CALN1: variants seen among roughly 807,000 people sequenced by gnomAD.
The protein encoded by CALN1 is calneuron 1, also known as calcium-binding protein 8.
A neutral mutation model predicts 30.6 loss-of-function variants in CALN1; 17 were observed. That is an observed-to-expected ratio of 0.56 (90% CI 0.38 to 0.83). The LOEUF is 0.83. Among genes scored for constraint, CALN1 ranks in the 40% least tolerant of loss-of-function variants. The pLI is 0.00. For missense variants in CALN1, 291 were observed against 354.9 expected (o/e 0.82, Z 1.45); for synonymous variants, 156 against 131.4 (o/e 1.19, Z -1.28).
chr7:72,012,772 T>A (rs1022766976), intron 5 of CALN1, among the ~76,000 whole-genome samples: 1 of 152,120 alleles, frequency 6.6e-6, no homozygotes, highest in African/African-American at 2.4e-5. Context: ...GGCAGCTGCA[T>A]TAATTTTGAT....
At chr7:72,270,035 G>C (rs1268028017) in intron 3 of CALN1, among the ~76,000 whole-genome samples, 1 of 151,894 alleles carries the variant, frequency 6.6e-6, no homozygotes, top group Non-Finnish European at 1.5e-5. Flanking sequence ...AAAGAAATGG[G>C]AACTATAAAA....
At chr7:72,462,454 G>A in the CALN1 span, among the ~76,000 whole-genome samples, 1 of 152,184 alleles carries the variant, frequency 6.6e-6, no homozygotes, top group Admixed American at 6.5e-5. Flanking sequence ...CAAACTGCTA[G>A]AATCACAGGC....
the CALN1 span, among the ~76,000 whole-genome samples, chr7:72,467,838 A>T: frequency 1.3e-3 from 194 of 152,340 alleles, 1 homozygote; most frequent in African/African-American, 4.2e-3. Context: ...TTGCATCGCC[A>T]CAAAAGGAAA....
intron 4 of CALN1, among the ~76,000 whole-genome samples, chr7:72,045,996 C>CA (rs34011098): frequency 0.18 from 16,225 of 90,514 alleles, 1,833 homozygotes; most frequent in East Asian, 0.38. Context: ...GACTCCCTCT[C>CA]AAAAAAAAAA....
At chr7:72,455,321 ATGTG>A in the CALN1 span, among the ~76,000 whole-genome samples, 9,405 of 138,670 alleles carry the variant, frequency 0.068, 540 homozygotes, top group African/African-American at 0.17. Flanking sequence ...ATATATATAT[ATGTG>A]TGTGTGTGTG....
chr7:72,407,350 A>G (rs1290499252), intron 1 of CALN1, among the ~76,000 whole-genome samples: 1 of 152,140 alleles, frequency 6.6e-6, no homozygotes, highest in Non-Finnish European at 1.5e-5. Flanking sequence ...TACGGTTTGG[A>G]TTTGTGTCCC....
intron 2 of CALN1, among the ~76,000 whole-genome samples, chr7:72,369,725 T>C (rs1470584655): frequency 6.6e-6 from 1 of 152,198 alleles, no homozygotes; most frequent in Admixed American, 6.6e-5. Context: ...TTTATAGAAG[T>C]AGAACTGTCC....
In CALN1 at chr7:72,399,299, TCTCA is replaced by T. The variant is rs560960557; in HGVS notation, c.119+3948_119+3951del. Among the ~76,000 whole-genome samples the T allele has an allele frequency of 7.4e-3, 847 of 114,684 alleles. 11 individuals carry two copies. Among genetic ancestry groups the T allele is most frequent in the African/African-American group, 0.027 (752 of 28,124 alleles). 75.2% of individuals were successfully genotyped at this position (114,684 alleles called of 152,430 possible). ...TTTTTTTTTTTTTTTTGAGATGGAG[TCTCA>T]CTCTGTCACCAGGCTGGAGTGCAGT... On this transcript the variant is annotated intron_variant, in intron 2 of 6. Transcript: ENST00000395275.
At chr7:72,119,989 A>G (rs1188392218) in intron 3 of CALN1, among the ~76,000 whole-genome samples, 1 of 152,124 alleles carries the variant, frequency 6.6e-6, no homozygotes, top group Non-Finnish European at 1.5e-5. Context: ...CAGGGGGTAC[A>G]TGTGCACGTT....
At chr7:72,302,560 T>C (rs1478717794) in intron 2 of CALN1, among the ~76,000 whole-genome samples, 1 of 151,920 alleles carries the variant, frequency 6.6e-6, no homozygotes, top group Non-Finnish European at 1.5e-5. Context: ...GTGCAGGCAT[T>C]CCAGATTAGC....
chr7:72,414,525 G>T (rs1025779625), upstream of CALN1, among the ~76,000 whole-genome samples: 1 of 152,158 alleles, frequency 6.6e-6, no homozygotes. Flanking sequence ...CACTAGCATG[G>T]CAGCACAGAA....
intron 5 of CALN1, among the ~76,000 whole-genome samples, chr7:71,935,887 A>G (rs1422185562): frequency 6.6e-6 from 1 of 152,202 alleles, no homozygotes; most frequent in Admixed American, 6.5e-5. Flanking sequence ...TACAGGTTAC[A>G]TGTACCTTCT....
Position 72,127,488 on chromosome 7 carries a change from T to C in CALN1, c.245-21194A>G, listed in dbSNP as rs189397390. ...TGTGTATTAAAAAGATGCCTCTGGC[T>C]ACTGGACTATCCTGAGAGCAGAGAG... is the stretch of plus-strand genomic sequence containing the variant. On this transcript the variant is annotated intron_variant, in intron 3 of 6. Transcript: ENST00000395275. Among the ~76,000 whole-genome samples, 44 of 152,314 alleles carry C rather than the reference T, an allele frequency of 2.9e-4. 4 individuals are homozygous for C. In the East Asian group the frequency reaches 8.3e-3, roughly 29 times the overall value.
intron 5 of CALN1, among the ~76,000 whole-genome samples, chr7:71,885,837 C>T (rs1336038831): frequency 6.6e-6 from 1 of 152,202 alleles, no homozygotes; most frequent in Non-Finnish European, 1.5e-5. Flanking sequence ...CATCCTTTCC[C>T]CTCTTTGGGG....
At chr7:72,003,752 A>C (rs1229116848) in intron 5 of CALN1, among the ~76,000 whole-genome samples, 1 of 152,146 alleles carries the variant, frequency 6.6e-6, no homozygotes, top group Admixed American at 6.6e-5. Context: ...GAGTTGTATA[A>C]TTATTTCATT....
At chr7:72,391,445 C>T (rs990626099) in intron 2 of CALN1, among the ~76,000 whole-genome samples, 1 of 151,286 alleles carries the variant, frequency 6.6e-6, no homozygotes, top group Non-Finnish European at 1.5e-5. Context: ...AGGTGCACTG[C>T]TAGGACCAGG....
the CALN1 span, among the ~76,000 whole-genome samples, chr7:72,501,928 A>ATATATAT: frequency 3.5e-5 from 2 of 57,968 alleles, no homozygotes; most frequent in Admixed American, 1.9e-4. Context: ...AAAAAAAAAA[A>ATATATAT]ATATATATAT....
intron 2 of CALN1, among the ~76,000 whole-genome samples, chr7:72,308,764 A>C (rs1182536858): frequency 1.3e-5 from 2 of 152,076 alleles, no homozygotes; most frequent in African/African-American, 4.8e-5. Flanking sequence ...GGAACAAAAC[A>C]CAACCTCAAG....
At chr7:72,171,432 TGGCCAA>T (rs1788953025) in intron 3 of CALN1, among the ~76,000 whole-genome samples, 1 of 152,194 alleles carries the variant, frequency 6.6e-6, no homozygotes, top group African/African-American at 2.4e-5. Context: ...GAGACCAGCC[TGGCCAA>T]CATAGTGAGA....
Sources: gnomAD v4.1 joint callset for allele counts (sites outside exome capture counted in the v4.1 genomes callset) on GRCh38, gnomAD v4.1.1 for gene constraint, MANE v1.5 for transcripts, NCBI Gene and HGNC (gene_info 2026-07-23, HGNC 2026-07-21) for gene names.